OOSP3: variants seen among roughly 807,000 people sequenced by gnomAD.
OOSP3 encodes oocyte-secreted protein 3.
At chr11:59,889,267 A>AT (rs1165049796) in intron 2 of OOSP3, among the ~76,000 whole-genome samples, 2 of 146,528 alleles carry the variant, frequency 1.4e-5, no homozygotes, top group African/African-American at 2.5e-5. Flanking sequence ...AGATTCATTG[A>AT]TTTTTTTGAA....
chr11:59,884,077 A>T (rs1853226607), intron 2 of OOSP3, among the ~76,000 whole-genome samples: 1 of 152,252 alleles, frequency 6.6e-6, no homozygotes, highest in African/African-American at 2.4e-5. Context: ...CTGGTTTACT[A>T]TTGGGAAGAA....
chr11:59,884,475 G>GTCTGTCTCTCTCTC (rs1293196028), intron 2 of OOSP3, among the ~76,000 whole-genome samples: 5 of 113,878 alleles, frequency 4.4e-5, no homozygotes, highest in Admixed American at 2.8e-4. Flanking sequence ...CTGTCTGTCT[G>GTCTGTCTCTCTCTC]TCTCTCTCTC....
chr11:59,880,492 C>T (rs1853189260), intron 2 of OOSP3, 53 bp downstream of exon 2: 3 of 397,986 alleles, frequency 7.5e-6, no homozygotes, highest in South Asian at 2.6e-4. Flanking sequence ...TTGTACCTTG[C>T]AGTAGTACTG....
chr11:59,881,362 CAA>C (rs199571943), intron 2 of OOSP3, among the ~76,000 whole-genome samples: 23 of 115,928 alleles, frequency 2.0e-4, no homozygotes, highest in Admixed American at 3.6e-4. Flanking sequence ...GAGACTATCT[CAA>C]AAAAAAAAAA....
chr11:59,879,183 C>T (rs999020073), intron 1 of OOSP3, among the ~76,000 whole-genome samples: 3 of 152,166 alleles, frequency 2.0e-5, no homozygotes, highest in African/African-American at 7.2e-5. Context: ...AAGGTTTCAA[C>T]TTGCTCTTCC....
In OOSP3 at chr11:59,880,246, A is replaced by T. The variant is rs943703292; in HGVS notation, c.74-15A>T. 1.1e-4 allele frequency: 44 copies of T among 398,170 alleles called. No individual in the cohort carries two copies. Among genetic ancestry groups the T allele is most frequent in the African/African-American group, 2.1e-4 (10 of 48,664 alleles). The allele number at this position is 398,170 out of a possible 1,614,324, so 24.7% of individuals were successfully genotyped here. A position where few individuals can be genotyped will look rare whatever the true frequency, so the allele number is the denominator to read the frequency against. On this transcript the variant is annotated splice_polypyrimidine_tract_variant and intron_variant, in intron 1 of 4. Transcript: ENST00000646438. ...AATTGCTATCTAAATGTTTAAAAAA[A>T]TTTTTTTTCAACAGTGTCAGTAGGA...
chr11:59,886,675 T>C (rs1853262712), intron 2 of OOSP3, among the ~76,000 whole-genome samples: 1 of 152,242 alleles, frequency 6.6e-6, no homozygotes, highest in Non-Finnish European at 1.5e-5. Flanking sequence ...TGTGAGAACG[T>C]ATCTCATTGT....
Position 59,895,665 on chromosome 11 carries a change from A to C in OOSP3, c.501+13A>C. ...TCAAAACTCCTCGGTGAGGATCCTT[A>C]GAAGAGACAAAACATGGCAGTGTCC... On this transcript the variant is annotated intron_variant, in intron 4 of 4. Transcript: ENST00000646438. 1 of 398,396 alleles carries C rather than the reference A, an allele frequency of 2.5e-6. No homozygotes were observed. Among genetic ancestry groups the C allele is most frequent in the Non-Finnish European group, 4.4e-6 (1 of 225,890 alleles). The allele number at this position is 398,396 out of a possible 1,614,324, so 24.7% of individuals were successfully genotyped here.
intron 2 of OOSP3, among the ~76,000 whole-genome samples, chr11:59,886,116 C>T (rs1258998018): frequency 6.6e-6 from 1 of 152,194 alleles, no homozygotes; most frequent in Non-Finnish European, 1.5e-5. Flanking sequence ...CATTATTCAG[C>T]TCCCACCTTT....
chr11:59,880,832 A>G (rs550208463), intron 2 of OOSP3, among the ~76,000 whole-genome samples: 2 of 152,312 alleles, frequency 1.3e-5, no homozygotes, highest in East Asian at 3.9e-4. Context: ...GCATGTTGGT[A>G]AATTGGGATT....
intron 2 of OOSP3, among the ~76,000 whole-genome samples, chr11:59,883,060 A>G (rs1355658129): frequency 6.6e-6 from 1 of 152,158 alleles, no homozygotes; most frequent in African/African-American, 2.4e-5. Flanking sequence ...GTGTTGGGTA[A>G]ATACCTAGGA....
intron 2 of OOSP3, among the ~76,000 whole-genome samples, chr11:59,885,365 C>T (rs995050243): frequency 4.6e-5 from 7 of 152,066 alleles, no homozygotes; most frequent in African/African-American, 1.7e-4. Context: ...GGTACATGTG[C>T]AGGATGTGCA....
chr11:59,884,467 G>GTC (rs1853231950), intron 2 of OOSP3, among the ~76,000 whole-genome samples: 1 of 121,870 alleles, frequency 8.2e-6, no homozygotes, highest in African/African-American at 3.3e-5. Flanking sequence ...CTGTCTGTCT[G>GTC]TCTGTCTGTC....
chr11:59,895,353 G>T, intron 3 of OOSP3, 149 bp from the exon 4 acceptor site: 1 of 349,394 alleles, frequency 2.9e-6, no homozygotes, highest in Non-Finnish European at 5.0e-6. Context: ...AAAAAGGCAA[G>T]TAGAAGGCAG....
intron 2 of OOSP3, among the ~76,000 whole-genome samples, chr11:59,888,844 A>G (rs975372234): frequency 2.6e-5 from 4 of 152,178 alleles, no homozygotes; most frequent in Non-Finnish European, 4.4e-5. Flanking sequence ...CTTATTTTCA[A>G]TGGTTGGGAA....
chr11:59,885,174 A>G (rs1015476287), intron 2 of OOSP3, among the ~76,000 whole-genome samples: 3 of 152,062 alleles, frequency 2.0e-5, no homozygotes, highest in African/African-American at 7.2e-5. Context: ...TATTACATTG[A>G]TTTTTGTATG....
intron 2 of OOSP3, among the ~76,000 whole-genome samples, chr11:59,889,366 C>T (rs956619700): frequency 2.0e-5 from 3 of 151,934 alleles, no homozygotes; most frequent in Non-Finnish European, 4.4e-5. Context: ...TCTTGTTTCT[C>T]TAGTTCTTTT....
Position 59,896,377 on chromosome 11 carries a change from T to A in OOSP3, c.*164T>A, listed in dbSNP as rs116523392. ...ATATGTTTTTAAAAAGTGCTCCTTT[T>A]AAACATAGGCCATTATACCCTTGCA... On this transcript the variant is annotated 3_prime_UTR_variant, in exon 5 of 5. Transcript: ENST00000646438. The A allele has an allele frequency of 3.8e-3, 1,493 of 387,978 alleles. 25 individuals are homozygous for A. The highest frequency in any genetic ancestry group is 0.028 in the African/African-American group (1,340 of 48,512). 24.0% of individuals were successfully genotyped at this position (387,978 alleles called of 1,614,324 possible). A position where few individuals can be genotyped will look rare whatever the true frequency, so the allele number is the denominator to read the frequency against.
chr11:59,890,480 G>A (rs566486963), intron 2 of OOSP3, among the ~76,000 whole-genome samples: 71 of 152,232 alleles, frequency 4.7e-4, no homozygotes, highest in African/African-American at 1.7e-3. Context: ...TTCTGGTGAT[G>A]AGATCCTTTA....
Sources: gnomAD v4.1 joint callset for allele counts (sites outside exome capture counted in the v4.1 genomes callset) on GRCh38, gnomAD v4.1.1 for gene constraint, MANE v1.5 for transcripts, NCBI Gene and HGNC (gene_info 2026-07-23, HGNC 2026-07-21) for gene names.